The following KIF13A variants were observed in gnomAD, a reference collection of about 807,000 sequenced individuals.
The protein encoded by KIF13A is kinesin-like protein KIF13A.
Under a neutral mutation model 212.2 loss-of-function variants are expected in KIF13A, and 79 were observed. The ratio of observed to expected loss-of-function variants is 0.37; its 90% confidence interval spans 0.31 to 0.45. The LOEUF (loss-of-function observed/expected upper bound fraction) is 0.45. KIF13A is among the 20% of genes least tolerant of loss of function. The probability of loss-of-function intolerance (pLI) is 1.00; values close to 1 mark genes in which losing one functional copy is unlikely to be tolerated. For synonymous variants in KIF13A, 789 were observed against 808.6 expected (o/e 0.98, Z 0.41); for missense variants, 1,901 against 2,209.0 (o/e 0.86, Z 2.79).
In KIF13A at chr6:17,963,386, C is replaced by A. The variant is rs111454785; in HGVS notation, c.146+23668G>T. ...TGAGCTAAGATCGTGCCGTTGCACT[C>A]TAGCCTGGGCAACAAGAGCAAAACT... On this transcript the variant is annotated intron_variant, in intron 2 of 38. Transcript: ENST00000259711. This position sits in a 1 kb window ranked among gnomAD's most constrained non-coding sequence, Gnocchi z 4.1. Among the ~76,000 whole-genome samples the A allele has an allele frequency of 0.11, 16,115 of 152,116 alleles. 1,124 individuals carry two copies. The highest frequency in any genetic ancestry group is 0.19 in the South Asian group (896 of 4,816).
chr6:17,799,574 C>T lies in KIF13A; in HGVS notation c.2617-135G>A, dbSNP rs1305379033. On this transcript the variant is annotated intron_variant, in intron 21 of 38. Coordinates refer to ENST00000259711, the MANE Select transcript of KIF13A (RefSeq NM_022113.6). This position sits in a 1 kb window ranked among gnomAD's most constrained non-coding sequence, Gnocchi z 4.4. The stretch of plus-strand genomic sequence containing the variant: ...ACATGTGAAAATATTATATCTGACA[C>T]CGTGACACTAAGGGTTGTATCGATA... 5 of 690,854 alleles carry T rather than the reference C, an allele frequency of 7.2e-6. No homozygotes were observed. The highest frequency in any genetic ancestry group is 1.8e-5 in the African/African-American group (1 of 55,570). The allele number at this position is 690,854 out of a possible 1,614,324, so 42.8% of individuals were successfully genotyped here. A position where few individuals can be genotyped will look rare whatever the true frequency, so the allele number is the denominator to read the frequency against.
At chr6:17,955,339 T>C (rs1404757434) in intron 2 of KIF13A, among the ~76,000 whole-genome samples, 1 of 152,104 alleles carries the variant, frequency 6.6e-6, no homozygotes. Context: ...AATAACAAAC[T>C]CTATTCTACC....
At chr6:17,781,934 T>C (rs761279101) in intron 29 of KIF13A, among the ~76,000 whole-genome samples, 1 of 151,848 alleles carries the variant, frequency 6.6e-6, no homozygotes, top group Non-Finnish European at 1.5e-5. Context: ...CCACAGCTTT[T>C]ATTCTTTTTT....
intron 2 of KIF13A, among the ~76,000 whole-genome samples, chr6:17,930,001 C>T (rs1395683107): frequency 2.0e-5 from 3 of 152,240 alleles, no homozygotes; most frequent in Non-Finnish European, 4.4e-5. Context: ...ACAAGACTCA[C>T]TGAACCTTAA....
Position 17,811,402 on chromosome 6 carries a change from AAAAC to A in KIF13A, c.2001-2476_2001-2473del. ...ACTCATTTTCCAGGGTAGGAAATAGAAAACAAACAAATAACTATTAATATATAAT... is the reference window on the plus strand; with the variant it reads ...ACTCATTTTCCAGGGTAGGAAATAGAAAACAAATAACTATTAATATATAAT... On this transcript the variant is annotated intron_variant, in intron 17 of 38. Coordinates refer to ENST00000259711, the MANE Select transcript of KIF13A (RefSeq NM_022113.6). This position sits in a 1 kb window ranked among gnomAD's most constrained non-coding sequence, Gnocchi z 6.0. 6.6e-6 allele frequency among the ~76,000 whole-genome samples: 1 copy of A among 152,242 alleles called. No homozygotes were observed. Among genetic ancestry groups the A allele is most frequent in the Non-Finnish European group, 1.5e-5 (1 of 68,036 alleles).
At position 17,987,458 on chromosome 6, in the gene KIF13A, C is replaced by A; in HGVS notation, c.6G>T (p.Ser2=). The change falls in exon 1 of 39, where the codon TCG becomes TCT. Residue 2 remains serine, a synonymous_variant. Transcript: ENST00000259711. The surrounding 1 kb of genome is among the most constrained non-coding windows in gnomAD (Gnocchi z 7.7). M[S]DTKVKVAVRV... ...GGACGGCAACTTTTACCTTGGTATC[C>A]GACATGTTGGCTGCGCTCGCCCGGC... is the stretch of plus-strand genomic sequence containing the variant. 1 of 1,315,918 alleles carries A rather than the reference C, an allele frequency of 7.6e-7. No individual in the cohort carries two copies. The highest frequency in any genetic ancestry group is 1.0e-6 in the Non-Finnish European group (1 of 1,000,462). The allele number at this position is 1,315,918 out of a possible 1,614,324, so 81.5% of individuals were successfully genotyped here. A position where few individuals can be genotyped will look rare whatever the true frequency, so the allele number is the denominator to read the frequency against.
rs1759512609 is a variant in KIF13A at position 17,771,720 on chromosome 6, A to G, written c.4476+188T>C. 4 of 531,928 alleles carry G rather than the reference A, an allele frequency of 7.5e-6. No homozygotes were observed. The highest frequency in any genetic ancestry group is 1.3e-5 in the Non-Finnish European group (4 of 296,978). The allele number at this position is 531,928 out of a possible 1,614,324, so 33.0% of individuals were successfully genotyped here. On this transcript the variant is annotated intron_variant, in intron 37 of 38. Coordinates refer to ENST00000259711, the MANE Select transcript of KIF13A (RefSeq NM_022113.6). The surrounding 1 kb of genome is among the most constrained non-coding windows in gnomAD (Gnocchi z 5.4). ...AAACACAAAGAAATAAAACCACAGC[A>G]GCAACAACAAACAAGAGATTCTACC...
chr6:17,958,198 T>C (rs529304889), intron 2 of KIF13A, among the ~76,000 whole-genome samples: 45 of 152,356 alleles, frequency 3.0e-4, no homozygotes, highest in African/African-American at 9.4e-4. Flanking sequence ...TTCTAATCAA[T>C]TGCAATTTGT....
Position 17,897,998 on chromosome 6 carries a change from A to T in KIF13A, c.159+170T>A, listed in dbSNP as rs1561736700. ...AAGTGCTCTGTCAATGTAGAGTGAC[A>T]CTCTAACTTTATGTTAACACTGATA... On this transcript the variant is annotated intron_variant, in intron 3 of 38. Transcript: ENST00000259711. The surrounding 1 kb of genome is among the most constrained non-coding windows in gnomAD (Gnocchi z 4.8). Among the ~76,000 whole-genome samples the T allele has an allele frequency of 6.6e-6, 1 of 152,204 alleles. No homozygotes were observed. Among genetic ancestry groups the T allele is most frequent in the Non-Finnish European group, 1.5e-5 (1 of 68,036 alleles).
At chr6:17,970,968 C>G (rs1779762078) in intron 2 of KIF13A, among the ~76,000 whole-genome samples, 1 of 152,182 alleles carries the variant, frequency 6.6e-6, no homozygotes, top group Non-Finnish European at 1.5e-5. Flanking sequence ...TAATTTACAA[C>G]ACTTTTACAA....
intron 2 of KIF13A, among the ~76,000 whole-genome samples, chr6:17,917,483 C>T (rs915297123): frequency 2.0e-5 from 3 of 152,050 alleles, no homozygotes; most frequent in Non-Finnish European, 2.9e-5. Context: ...TCAAGTTATC[C>T]ACCTGACTCA....
chr6:17,765,194 C>G (rs1758838390), intron 38 of KIF13A, among the ~76,000 whole-genome samples: 1 of 152,222 alleles, frequency 6.6e-6, no homozygotes, highest in African/African-American at 2.4e-5. Context: ...TTTAGGCTCA[C>G]TCAGTGCTAA....
intron 4 of KIF13A, among the ~76,000 whole-genome samples, chr6:17,860,682 G>A (rs1261301014): frequency 6.6e-6 from 1 of 150,784 alleles, no homozygotes; most frequent in Non-Finnish European, 1.5e-5. Flanking sequence ...GTTATCAGAA[G>A]ACTGTTGTAC....
intron 2 of KIF13A, among the ~76,000 whole-genome samples, chr6:17,910,231 G>A (rs1238427928): frequency 3.3e-5 from 5 of 152,216 alleles, no homozygotes; most frequent in Non-Finnish European, 4.4e-5. Context: ...AATTTGATAA[G>A]TAGTGGGTAT....
Position 17,951,208 on chromosome 6 carries a change from G to T in KIF13A, c.146+35846C>A. 8.8e-7 allele frequency: 1 copy of T among 1,129,990 alleles called. No individual in the cohort carries two copies. The highest frequency in any genetic ancestry group is 1.1e-6 in the Non-Finnish European group (1 of 883,504). 70.0% of individuals were successfully genotyped at this position (1,129,990 alleles called of 1,614,324 possible). ...CTGGCTCTGTCACCCAGGCTGGCGTGCAGTGGCTCAAACAGCTCACTGGAG... is the reference window on the plus strand; with the variant it reads ...CTGGCTCTGTCACCCAGGCTGGCGTTCAGTGGCTCAAACAGCTCACTGGAG... On this transcript the variant is annotated intron_variant, in intron 2 of 38. Transcript: ENST00000259711. This position sits in a 1 kb window ranked among gnomAD's most constrained non-coding sequence, Gnocchi z 4.9.
intron 2 of KIF13A, among the ~76,000 whole-genome samples, chr6:17,932,489 A>T (rs1240165132): frequency 6.6e-6 from 1 of 152,208 alleles, no homozygotes; most frequent in East Asian, 1.9e-4. Context: ...TCTTCTTTCT[A>T]AAAAATAAGG....
rs1760810778 is a variant in KIF13A, at chr6:17,783,769, C to A, written c.3489-68G>T. On this transcript the variant is annotated intron_variant, in intron 28 of 38. Coordinates refer to ENST00000259711, the MANE Select transcript of KIF13A (RefSeq NM_022113.6). This position sits in a 1 kb window ranked among gnomAD's most constrained non-coding sequence, Gnocchi z 4.3. The stretch of plus-strand genomic sequence containing the variant: ...TTACATCTTGTTAGCTGATAAAACA[C>A]CACAGAGCTGTGGAAGCAAAGAGAA... 1 of 1,020,674 alleles carries A rather than the reference C, an allele frequency of 9.8e-7. No homozygotes were observed. The highest frequency in any genetic ancestry group is 1.5e-6 in the Non-Finnish European group (1 of 665,106). 63.2% of individuals were successfully genotyped at this position (1,020,674 alleles called of 1,614,324 possible).
chr6:17,876,164 G>A (rs533129034), intron 3 of KIF13A, among the ~76,000 whole-genome samples: 34 of 152,266 alleles, frequency 2.2e-4, no homozygotes, highest in African/African-American at 7.2e-4. Context: ...TGGGCTCACT[G>A]CTATTGCCCT....
rs568031794 is a variant in KIF13A at position 17,946,129 on chromosome 6, T to TA, written c.146+40924dup. ...CATGACACATACAGCATTAACCCTTTAAAAAAAATAGGGATGAAGTCTTGC... is the reference window on the plus strand; with the variant it reads ...CATGACACATACAGCATTAACCCTTTAAAAAAAAATAGGGATGAAGTCTTGC... On this transcript the variant is annotated intron_variant, in intron 2 of 38. Transcript: ENST00000259711. Among the ~76,000 whole-genome samples the TA allele has an allele frequency of 9.2e-5, 14 of 151,918 alleles. No homozygotes were observed. In the East Asian group the frequency reaches 1.2e-3, roughly 13 times the overall value.
Sources: gnomAD v4.1 joint callset for allele counts (sites outside exome capture counted in the v4.1 genomes callset) on GRCh38, gnomAD v4.1.1 for gene constraint, Gnocchi (gnomAD v3.1) non-coding constraint, MANE v1.5 for transcripts, NCBI Gene and HGNC (gene_info 2026-07-23, HGNC 2026-07-21) for gene names.